The following HTT variants were observed in gnomAD, a reference collection of about 807,000 sequenced individuals.
The protein encoded by HTT is huntington disease protein.
HTT carries 104 observed loss-of-function variants against 362.3 expected under a neutral mutation model. The observed-to-expected ratio is 0.29, with a 90% CI of 0.24 to 0.34. The LOEUF is 0.34. Ranked by LOEUF, HTT falls within the 10% of genes least tolerant of loss-of-function variation. The probability of loss-of-function intolerance (pLI) is 1.00; values close to 1 mark genes in which losing one functional copy is unlikely to be tolerated. For missense variants in HTT, 3,301 were observed against 3,928.6 expected (o/e 0.84, Z 4.27); for synonymous variants, 1,577 against 1,548.7 (o/e 1.02, Z -0.43).
At chr4:3,104,969 C>G (rs1306203953) in intron 4 of HTT, among the ~76,000 whole-genome samples, 1 of 152,172 alleles carries the variant, frequency 6.6e-6, no homozygotes, top group Non-Finnish European at 1.5e-5. Context: ...TCTATGATCC[C>G]TCTGCTGTGC....
In HTT at chr4:3,224,021, G is replaced by C. The variant is rs1164181487; in HGVS notation, c.7655G>C (p.Gly2552Ala). 1 of 1,614,014 alleles carries C rather than the reference G, an allele frequency of 6.2e-7. No individual in the cohort carries two copies. The highest frequency in any genetic ancestry group is 2.2e-5 in the East Asian group (1 of 44,884). ...GGGAGGAAGCTGAGCATTATCAGAG[G>C]GATTGTGGAGCAAGAGATTCAAGCA... is the stretch of plus-strand genomic sequence containing the variant. ...RFGRKLSIIR[G>A]IVEQEIQAMV... The change falls in exon 56 of 67, where the codon GGG becomes GCG. Residue 2552 changes from glycine (G) to alanine (A), a missense_variant. This residue lies in a region of HTT where 753 missense variants were observed against 1,021.3 expected (regional missense o/e 0.74). Transcript: ENST00000355072.
intron 16 of HTT, 89 bp downstream of exon 16, chr4:3,131,864 TA>T: frequency 7.6e-7 from 1 of 1,309,572 alleles, no homozygotes; most frequent in Non-Finnish European, 1.1e-6. Context: ...TTTAGAGCAG[TA>T]AGTGTTTTGA....
At chr4:3,115,852 T>C (rs17780797) in intron 7 of HTT, among the ~76,000 whole-genome samples, 71,050 of 152,022 alleles carry the variant, frequency 0.47, 17,180 homozygotes, top group African/African-American at 0.58. Context: ...CATGTGGACG[T>C]GCGATATGAA....
chr4:3,092,873 AAAG>A (rs1713588063), intron 2 of HTT, among the ~76,000 whole-genome samples: 1 of 152,262 alleles, frequency 6.6e-6, no homozygotes, highest in African/African-American at 2.4e-5. Flanking sequence ...GGCATCAGGC[AAAG>A]AAGAATAGTT....
At chr4:3,213,887 C>G in intron 49 of HTT, 71 bp from the exon 50 acceptor site, 1 of 1,387,310 alleles carries the variant, frequency 7.2e-7, no homozygotes, top group East Asian at 2.6e-5. Context: ...GGTTCCACAA[C>G]TGTGATTCAC....
intron 16 of HTT, among the ~76,000 whole-genome samples, chr4:3,132,298 C>G (rs141983069): frequency 8.1e-4 from 124 of 152,196 alleles, no homozygotes; most frequent in African/African-American, 2.7e-3. Context: ...GAATTTTAAT[C>G]AGATTTATTA....
At chr4:3,233,670 C>A (rs765028570) in intron 61 of HTT, among the ~76,000 whole-genome samples, 1 of 152,238 alleles carries the variant, frequency 6.6e-6, no homozygotes, top group Admixed American at 6.5e-5. Flanking sequence ...CTCCCAGAAC[C>A]CTGTTATTAC....
At chr4:3,094,625 G>T (rs1412992034) in intron 2 of HTT, among the ~76,000 whole-genome samples, 1 of 144,188 alleles carries the variant, frequency 6.9e-6, no homozygotes, top group East Asian at 2.0e-4. Context: ...GCCGGGCGGG[G>T]GCTGCCCCCC....
At chr4:3,211,033 G>A (rs921727911) in intron 47 of HTT, among the ~76,000 whole-genome samples, 1 of 150,544 alleles carries the variant, frequency 6.6e-6, no homozygotes, top group African/African-American at 2.4e-5. Flanking sequence ...CTCCCAAATA[G>A]CTGGTATTAA....
rs1560579162 is a variant in HTT at position 3,173,066 on chromosome 4, C to G, written c.4101C>G (p.Thr1367=). 1 of 1,614,178 alleles carries G rather than the reference C, an allele frequency of 6.2e-7. No homozygotes were observed. The highest frequency in any genetic ancestry group is 2.2e-5 in the East Asian group (1 of 44,876). ...TCATGGCCCCGTACACCCACTTCAC[C>G]CAGGCCCTCGCTGACGCCAGCCTGA... is the stretch of plus-strand genomic sequence containing the variant. The part of the protein sequence containing the change: ...YCFMAPYTHF[T]QALADASLRN... Residue 1367 remains threonine, a synonymous_variant, in exon 31 of 67, where the codon ACC becomes ACG. Coordinates refer to ENST00000355072, the MANE Select transcript of HTT (RefSeq NM_001388492.1).
chr4:3,148,806 A>T (rs1046696059), intron 26 of HTT, among the ~76,000 whole-genome samples: 3 of 152,004 alleles, frequency 2.0e-5, no homozygotes, highest in Non-Finnish European at 2.9e-5. Context: ...TCAAAAAAAA[A>T]ATTAGATGGG....
At position 3,239,729 on chromosome 4, in the gene HTT, G is replaced by A. The variant is rs1018668817; in HGVS notation, c.9216-117G>A. 6.8e-5 allele frequency: 54 copies of A among 791,034 alleles called. No individual in the cohort carries two copies. The East Asian group carries it at 9.9e-4, about 15-fold the overall frequency. 49.0% of individuals were successfully genotyped at this position (791,034 alleles called of 1,614,324 possible). A position where few individuals can be genotyped will look rare whatever the true frequency, so the allele number is the denominator to read the frequency against. The stretch of plus-strand genomic sequence containing the variant: ...AGGTGGCCCTTCCGGGGCTCTGCTC[G>A]CTCTCCAGGCTCCCTGGACCCCTTT... On this transcript the variant is annotated intron_variant, in intron 66 of 66. Transcript: ENST00000355072.
chr4:3,215,320 G>A (rs1720347303), intron 51 of HTT, 109 bp downstream of exon 51: 1 of 720,978 alleles, frequency 1.4e-6, no homozygotes, highest in Non-Finnish European at 2.4e-6. Context: ...GCGCACCGTA[G>A]CTCCGCTGTG....
Position 3,218,984 on chromosome 4 carries a change from C to T in HTT, c.7242+1032C>T, listed in dbSNP as rs894304901. On this transcript the variant is annotated intron_variant, in intron 52 of 66. Transcript: ENST00000355072. This position sits in a 1 kb window ranked among gnomAD's most constrained non-coding sequence, Gnocchi z 4.4. ...ATGTATGCTGGAGAGTCTAGGGAGGCTTGCTCCAAGGACGCAGTATTGTTT... is the reference window on the plus strand; with the variant it reads ...ATGTATGCTGGAGAGTCTAGGGAGGTTTGCTCCAAGGACGCAGTATTGTTT... Among the ~76,000 whole-genome samples, 2 of 152,146 alleles carry T rather than the reference C, an allele frequency of 1.3e-5. No individual in the cohort carries two copies. Among genetic ancestry groups the T allele is most frequent in the Non-Finnish European group, 2.9e-5 (2 of 68,018 alleles).
At chr4:3,175,145 C>G (rs1413758709) in intron 33 of HTT, 38 bp downstream of exon 33, 1 of 1,562,076 alleles carries the variant, frequency 6.4e-7, no homozygotes, top group Non-Finnish European at 8.7e-7. Context: ...ATACCTGTTC[C>G]TAATTTAGTA....
intron 61 of HTT, among the ~76,000 whole-genome samples, chr4:3,233,730 C>T (rs996312617): frequency 7.2e-5 from 11 of 152,258 alleles, no homozygotes; most frequent in African/African-American, 2.7e-4. Flanking sequence ...CAGTACCTCC[C>T]TCTTGTTTCC....
At chr4:3,097,311 CAGT>C (rs1404995416) in intron 2 of HTT, among the ~76,000 whole-genome samples, 4 of 152,008 alleles carry the variant, frequency 2.6e-5, no homozygotes, top group African/African-American at 9.7e-5. Flanking sequence ...AGGGAGATGA[CAGT>C]AGTATAGATT....
intron 5 of HTT, 111 bp from the exon 6 acceptor site, chr4:3,107,174 A>G (rs1175317813): frequency 1.8e-6 from 2 of 1,102,718 alleles, no homozygotes; most frequent in East Asian, 2.4e-5. Context: ...TCCCCATCCC[A>G]TTAGGGACTG....
At chr4:3,201,494 C>T (rs1003896594) in intron 41 of HTT, among the ~76,000 whole-genome samples, 8 of 135,778 alleles carry the variant, frequency 5.9e-5, no homozygotes, top group African/African-American at 2.0e-4. Flanking sequence ...CGCGCCACTG[C>T]ACTCTAGCCT....
Sources: allele counts gnomAD v4.1 joint callset (sites outside exome capture counted in the v4.1 genomes callset), GRCh38; gene constraint gnomAD v4.1.1; regional missense constraint gnomAD v4.1.1; non-coding constraint Gnocchi (gnomAD v3.1); transcripts MANE v1.5; gene names NCBI Gene and HGNC (gene_info 2026-07-23, HGNC 2026-07-21).